CEP350: variants seen among roughly 807,000 people sequenced by gnomAD.
CEP350 encodes centrosome-associated protein 350.
In CEP350, 126 loss-of-function variants were observed where a neutral mutation model predicts 331.8. That is an observed-to-expected ratio of 0.38 (90% confidence interval 0.33 to 0.44). The LOEUF is 0.44. Among genes scored for constraint, CEP350 ranks in the 20% least tolerant of loss-of-function variants. The probability of loss-of-function intolerance (pLI) is 1.00; values close to 1 mark genes in which losing one functional copy is unlikely to be tolerated. For missense variants in CEP350, 3,406 were observed against 3,634.6 expected (o/e 0.94, Z 1.62); for synonymous variants, 1,200 against 1,259.5 (o/e 0.95, Z 1.00).
chr1:180,042,240 C>G (rs1656818828), intron 19 of CEP350, among the ~76,000 whole-genome samples: 1 of 151,962 alleles, frequency 6.6e-6, no homozygotes, highest in African/African-American at 2.4e-5. Context: ...AGTCCCTAAT[C>G]TCAGTCCTGG....
intron 8 of CEP350, among the ~76,000 whole-genome samples, chr1:180,011,017 T>C (rs1237645850): frequency 6.6e-6 from 1 of 152,150 alleles, no homozygotes; most frequent in Non-Finnish European, 1.5e-5. Flanking sequence ...TAAGTCACTG[T>C]CTATTTTGAG....
intron 25 of CEP350, among the ~76,000 whole-genome samples, chr1:180,054,787 T>C (rs1214308484): frequency 2.0e-5 from 3 of 152,224 alleles, no homozygotes; most frequent in African/African-American, 2.4e-5. Flanking sequence ...AATACAAATT[T>C]TAAAAATTAA....
Position 180,044,014 on chromosome 1 carries a change from A to G in CEP350, c.4500-37A>G, listed in dbSNP as rs763133753. Reference sequence around the variant, plus strand: ...ACTTAAAATCTTTCTGTTATTAGAGACTTTGAATGTTTAATCAGTTTTTAT... The same window carrying G: ...ACTTAAAATCTTTCTGTTATTAGAGGCTTTGAATGTTTAATCAGTTTTTAT... On this transcript the variant is annotated intron_variant, in intron 20 of 37. Coordinates refer to ENST00000367607, the MANE Select transcript of CEP350 (RefSeq NM_014810.5). 3 of 1,486,908 alleles carry G rather than the reference A, an allele frequency of 2.0e-6. No individual in the cohort carries two copies. The African/African-American group carries it at 4.3e-5, about 21-fold the overall frequency. The allele number at this position is 1,486,908 out of a possible 1,614,324, so 92.1% of individuals were successfully genotyped here.
At chr1:180,029,595 C>G (rs1350270033) in intron 14 of CEP350, among the ~76,000 whole-genome samples, 3 of 152,176 alleles carry the variant, frequency 2.0e-5, no homozygotes, top group Non-Finnish European at 1.5e-5. Context: ...TACTGAAGCT[C>G]TGTATTCATT....
intron 30 of CEP350, among the ~76,000 whole-genome samples, chr1:180,081,929 C>T (rs1183324476): frequency 6.6e-6 from 1 of 152,084 alleles, no homozygotes; most frequent in Non-Finnish European, 1.5e-5. Flanking sequence ...TCATATTTCT[C>T]TGTGGAAATT....
intron 27 of CEP350, 39 bp downstream of exon 27, chr1:180,065,311 T>C (rs763596068): frequency 1.9e-6 from 3 of 1,554,084 alleles, no homozygotes; most frequent in South Asian, 2.4e-5. Context: ...TTAGTTACAT[T>C]GAAAGTAGTA....
intron 14 of CEP350, among the ~76,000 whole-genome samples, chr1:180,028,026 A>G (rs1300721602): frequency 1.3e-5 from 2 of 152,234 alleles, no homozygotes; most frequent in East Asian, 3.9e-4. Context: ...TTTGTAGGAC[A>G]TTTAGACATC....
intron 1 of CEP350, among the ~76,000 whole-genome samples, chr1:179,964,007 G>C (rs1191728430): frequency 6.6e-6 from 1 of 151,960 alleles, no homozygotes; most frequent in African/African-American, 2.4e-5. Flanking sequence ...TCAGTGTTTT[G>C]TAGTTCTCCT....
At chr1:180,021,109 G>C in intron 12 of CEP350, 100 bp downstream of exon 12, 1 of 1,064,506 alleles carries the variant, frequency 9.4e-7, no homozygotes, top group Non-Finnish European at 1.3e-6. Flanking sequence ...TTTTCGTTGA[G>C]TGGATAATGG....
At chr1:180,104,139 G>A (rs1160837230) in intron 37 of CEP350, among the ~76,000 whole-genome samples, 1 of 149,540 alleles carries the variant, frequency 6.7e-6, no homozygotes, top group East Asian at 1.9e-4. Context: ...ATATTTATAT[G>A]AGGACTTTTT....
intron 1 of CEP350, among the ~76,000 whole-genome samples, chr1:179,980,689 A>G (rs1558075950): frequency 6.6e-6 from 1 of 152,072 alleles, no homozygotes; most frequent in Non-Finnish European, 1.5e-5. Flanking sequence ...ATGAGATTGT[A>G]GAGGTCAGAA....
At chr1:180,097,779 G>A (rs1259980425) in intron 36 of CEP350, among the ~76,000 whole-genome samples, 3 of 152,016 alleles carry the variant, frequency 2.0e-5, no homozygotes, top group African/African-American at 7.3e-5. Flanking sequence ...ATACTGAAGT[G>A]TTGATATTTT....
intron 27 of CEP350, among the ~76,000 whole-genome samples, chr1:180,071,483 A>G (rs1232064409): frequency 1.3e-5 from 2 of 151,128 alleles, no homozygotes; most frequent in African/African-American, 2.4e-5. Context: ...AAAAAATTTA[A>G]AAAGTGAATT....
Position 180,092,610 on chromosome 1 carries a change from T to A in CEP350, c.6509-4T>A. ...TTGATGTGGTGATTTGTTTTTTCTTTAAGATGCTTCACTGTCTGGTTCTGA... is the reference window on the plus strand; with the variant it reads ...TTGATGTGGTGATTTGTTTTTTCTTAAAGATGCTTCACTGTCTGGTTCTGA... On this transcript the variant is annotated splice_polypyrimidine_tract_variant and splice_region_variant and intron_variant, in intron 33 of 37. Transcript: ENST00000367607. 6.7e-7 allele frequency: 1 copy of A among 1,497,914 alleles called. No individual in the cohort carries two copies. Among genetic ancestry groups the A allele is most frequent in the Non-Finnish European group, 8.9e-7 (1 of 1,120,562 alleles). The allele number at this position is 1,497,914 out of a possible 1,614,324, so 92.8% of individuals were successfully genotyped here. A position where few individuals can be genotyped will look rare whatever the true frequency, so the allele number is the denominator to read the frequency against.
At chr1:180,068,344 A>T (rs1658671502) in intron 27 of CEP350, among the ~76,000 whole-genome samples, 1 of 152,138 alleles carries the variant, frequency 6.6e-6, no homozygotes, top group South Asian at 2.1e-4. Context: ...TCCATTTATC[A>T]GTATAGTAAA....
intron 37 of CEP350, among the ~76,000 whole-genome samples, chr1:180,104,835 C>T (rs1209045927): frequency 1.9e-4 from 29 of 152,124 alleles, no homozygotes. Context: ...TTTTAATCCG[C>T]CACCTGATAC....
At chr1:180,011,144 C>T (rs1049981956) in intron 8 of CEP350, among the ~76,000 whole-genome samples, 2 of 151,856 alleles carry the variant, frequency 1.3e-5, no homozygotes, top group Non-Finnish European at 2.9e-5. Context: ...TGATGAGGGC[C>T]ATTTAAAATG....
chr1:179,986,280 A>G (rs914862424), intron 2 of CEP350, 26 bp downstream of exon 2: 9 of 1,484,910 alleles, frequency 6.1e-6, no homozygotes, highest in African/African-American at 5.6e-5. Context: ...TTTAAACAGA[A>G]CTTAATACCT....
chr1:179,966,763 TC>T (rs1651045566), intron 1 of CEP350, among the ~76,000 whole-genome samples: 1 of 152,184 alleles, frequency 6.6e-6, no homozygotes, highest in Non-Finnish European at 1.5e-5. Context: ...TGTTGTAACT[TC>T]CAAACCTAGT....
Sources: gnomAD v4.1 joint callset for allele counts (sites outside exome capture counted in the v4.1 genomes callset) on GRCh38, gnomAD v4.1.1 for gene constraint, MANE v1.5 for transcripts, NCBI Gene and HGNC (gene_info 2026-07-23, HGNC 2026-07-21) for gene names.